Variants in TSPAN18 observed in about 807,000 individuals in gnomAD.
TSPAN18 encodes the protein tetraspanin-18.
A neutral mutation model predicts 27.3 loss-of-function variants in TSPAN18; 14 were observed. That is an observed-to-expected ratio of 0.51 (90% confidence interval 0.34 to 0.80). TSPAN18 has a LOEUF of 0.80. TSPAN18 is among the 30% of genes least tolerant of loss of function. The pLI is 0.01. For missense variants in TSPAN18, 268 were observed against 323.9 expected, an observed-to-expected ratio of 0.83 and a Z score of 1.32; for synonymous variants, 143 against 136.5, an observed-to-expected ratio of 1.05 and a Z score of -0.33.
At chr11:44,777,938 G>A (rs1282834765) in intron 2 of TSPAN18, among the ~76,000 whole-genome samples, 1 of 152,192 alleles carries the variant, frequency 6.6e-6, no homozygotes, top group Non-Finnish European at 1.5e-5. Flanking sequence ...TCTGGGGCAA[G>A]CTGGCTCAGG....
chr11:44,847,586 A>G (rs1857511104), intron 2 of TSPAN18, among the ~76,000 whole-genome samples: 1 of 152,216 alleles, frequency 6.6e-6, no homozygotes, highest in East Asian at 1.9e-4. Context: ...TAATGCTGCT[A>G]TAAACATTTG....
intron 2 of TSPAN18, among the ~76,000 whole-genome samples, chr11:44,854,049 G>A (rs967436103): frequency 2.0e-5 from 3 of 152,212 alleles, no homozygotes; most frequent in African/African-American, 4.8e-5. Context: ...GGTATGGGTT[G>A]TGTATTAATC....
intron 1 of TSPAN18, among the ~76,000 whole-genome samples, chr11:44,757,878 G>A (rs1205702409): frequency 4.6e-5 from 7 of 152,170 alleles, no homozygotes; most frequent in Non-Finnish European, 1.0e-4. Context: ...TTCTTTGTGA[G>A]ATATATGATT....
At chr11:44,779,275 C>T (rs189200377) in intron 2 of TSPAN18, among the ~76,000 whole-genome samples, 17 of 152,296 alleles carry the variant, frequency 1.1e-4, no homozygotes, top group East Asian at 7.7e-4. Context: ...CCTTTACCCT[C>T]GGGATTCTGA....
intron 3 of TSPAN18, among the ~76,000 whole-genome samples, chr11:44,869,261 A>C (rs1169442593): frequency 2.6e-5 from 4 of 152,146 alleles, no homozygotes; most frequent in Non-Finnish European, 5.9e-5. Context: ...ACTACCAACC[A>C]AGAGAGCGTT....
At chr11:44,917,394 C>G (rs1859952190) in intron 5 of TSPAN18, among the ~76,000 whole-genome samples, 1 of 152,228 alleles carries the variant, frequency 6.6e-6, no homozygotes. Flanking sequence ...GTGTTAGATA[C>G]CAAACTCCTG....
intron 2 of TSPAN18, among the ~76,000 whole-genome samples, chr11:44,818,823 G>C (rs376729834): frequency 6.6e-6 from 1 of 152,210 alleles, no homozygotes; most frequent in Admixed American, 6.5e-5. Flanking sequence ...TAAGGGGGGA[G>C]TCCTGGCTGG....
intron 8 of TSPAN18, among the ~76,000 whole-genome samples, chr11:44,926,111 A>G (rs1860343368): frequency 6.6e-6 from 1 of 152,222 alleles, no homozygotes; most frequent in Non-Finnish European, 1.5e-5. Flanking sequence ...GCATGCGAGC[A>G]GGGATTTGAA....
intron 5 of TSPAN18, among the ~76,000 whole-genome samples, chr11:44,912,959 C>T (rs1298550876): frequency 6.6e-6 from 1 of 151,762 alleles, no homozygotes; most frequent in Admixed American, 6.6e-5. Context: ...TGAGTGTTTC[C>T]AGAGAAAGGC....
At chr11:44,858,052 G>C (rs1397316004) in intron 2 of TSPAN18, among the ~76,000 whole-genome samples, 1 of 152,234 alleles carries the variant, frequency 6.6e-6, no homozygotes, top group Non-Finnish European at 1.5e-5. Context: ...GTGTCTGAAA[G>C]TTACCTAGCT....
At chr11:44,738,937 G>A (rs1286507280) in intron 1 of TSPAN18, among the ~76,000 whole-genome samples, 1 of 152,166 alleles carries the variant, frequency 6.6e-6, no homozygotes, top group African/African-American at 2.4e-5. Flanking sequence ...TAAAACCCAG[G>A]TAGTCCGAAC....
At chr11:44,799,607 G>A (rs949252826) in intron 2 of TSPAN18, among the ~76,000 whole-genome samples, 3 of 152,174 alleles carry the variant, frequency 2.0e-5, no homozygotes, top group African/African-American at 7.2e-5. Flanking sequence ...GGGGCACATC[G>A]ATTGGGTGTT....
intron 1 of TSPAN18, among the ~76,000 whole-genome samples, chr11:44,728,537 G>A (rs553070046): frequency 6.6e-6 from 1 of 152,238 alleles, no homozygotes; most frequent in Non-Finnish European, 1.5e-5. Flanking sequence ...GGCGGGCGGT[G>A]GGGGATGGGG....
At chr11:44,928,343 A>G (rs1860444253) in intron 9 of TSPAN18, among the ~76,000 whole-genome samples, 1 of 152,202 alleles carries the variant, frequency 6.6e-6, no homozygotes, top group East Asian at 1.9e-4. Flanking sequence ...TTACACTTAA[A>G]TCTCACCACC....
At chr11:44,913,795 G>T (rs1175338949) in intron 5 of TSPAN18, among the ~76,000 whole-genome samples, 1 of 152,260 alleles carries the variant, frequency 6.6e-6, no homozygotes, top group African/African-American at 2.4e-5. Context: ...AGAGGATCAG[G>T]AATGGCTGAC....
intron 1 of TSPAN18, among the ~76,000 whole-genome samples, chr11:44,741,863 G>C (rs1167216300): frequency 2.6e-5 from 4 of 152,170 alleles, no homozygotes; most frequent in African/African-American, 9.7e-5. Context: ...GACCTGCCAG[G>C]TTGGCCCCTC....
At chr11:44,861,223 G>A (rs1857873268) in intron 3 of TSPAN18, among the ~76,000 whole-genome samples, 1 of 151,986 alleles carries the variant, frequency 6.6e-6, no homozygotes, top group Non-Finnish European at 1.5e-5. Flanking sequence ...CAAATCCAAT[G>A]GAAGGAGAGC....
Position 44,904,762 on chromosome 11 carries a change from C to T in TSPAN18, c.-10-1645C>T, listed in dbSNP as rs535631313. Reference sequence around the variant, plus strand: ...TCTGCTCCATCTGTTCCTTATGATACGAGGGTGCTGGTCTGGCTGCTGAGG... The same window carrying T: ...TCTGCTCCATCTGTTCCTTATGATATGAGGGTGCTGGTCTGGCTGCTGAGG... On this transcript the variant is annotated intron_variant, in intron 3 of 9. Transcript: ENST00000520358. 3.9e-5 allele frequency among the ~76,000 whole-genome samples: 6 copies of T among 152,230 alleles called. No homozygotes were observed. The South Asian group carries it at 8.3e-4, about 21-fold the overall frequency.
At chr11:44,732,136 C>T (rs946256711) in intron 1 of TSPAN18, among the ~76,000 whole-genome samples, 2 of 152,368 alleles carry the variant, frequency 1.3e-5, no homozygotes, top group South Asian at 2.1e-4. Context: ...AGCTTTGGAC[C>T]TTATTGGCCA....
Sources: allele counts gnomAD v4.1 joint callset (sites outside exome capture counted in the v4.1 genomes callset), GRCh38; gene constraint gnomAD v4.1.1; transcripts MANE v1.5; gene names NCBI Gene and HGNC (gene_info 2026-07-23, HGNC 2026-07-21).